DAB1: variants seen among roughly 807,000 people sequenced by gnomAD.
DAB1 encodes DAB adaptor protein 1, also known as disabled homolog 1.
Under a neutral mutation model 64.6 loss-of-function variants are expected in DAB1, and 15 were observed. That is an observed-to-expected ratio of 0.23 (90% CI 0.16 to 0.36). The LOEUF (loss-of-function observed/expected upper bound fraction) is 0.36, where lower values mean the gene tolerates loss of function less well. Among genes scored for constraint, DAB1 ranks in the 10% least tolerant of loss-of-function variants. The probability of loss-of-function intolerance (pLI) is 1.00; values close to 1 mark genes in which losing one functional copy is unlikely to be tolerated. For missense variants in DAB1, 596 were observed against 706.7 expected, an observed-to-expected ratio of 0.84 and a Z score of 1.78; for synonymous variants, 235 against 251.9, an observed-to-expected ratio of 0.93 and a Z score of 0.64.
intron 4 of DAB1, among the ~76,000 whole-genome samples, chr1:58,314,601 G>A (rs1020913591): frequency 6.6e-6 from 1 of 152,144 alleles, no homozygotes; most frequent in African/African-American, 2.4e-5. Context: ...CATAATAATT[G>A]TAGGAGGTAT....
chr1:57,673,283 A>C (rs563681622), intron 6 of DAB1, among the ~76,000 whole-genome samples: 1 of 152,178 alleles, frequency 6.6e-6, no homozygotes, highest in East Asian at 1.9e-4. Flanking sequence ...ACCTCCAACT[A>C]CCATCACATT....
intron 7 of DAB1, among the ~76,000 whole-genome samples, chr1:57,473,215 C>A (rs915140744): frequency 6.6e-6 from 1 of 152,192 alleles, no homozygotes; most frequent in African/African-American, 2.4e-5. Flanking sequence ...ACTCTTTGGG[C>A]CTTGTTCCTC....
intron 5 of DAB1, among the ~76,000 whole-genome samples, chr1:57,932,105 G>A (rs574218116): frequency 1.6e-4 from 24 of 151,990 alleles, no homozygotes; most frequent in African/African-American, 2.4e-4. Flanking sequence ...TTTTTGACTC[G>A]TGTTATTTAG....
intron 1 of DAB1, among the ~76,000 whole-genome samples, chr1:57,389,977 C>G (rs1019122885): frequency 2.0e-5 from 3 of 152,208 alleles, no homozygotes; most frequent in Non-Finnish European, 2.9e-5. Context: ...CAAAGCCATA[C>G]AGCTTTTAGT....
intron 4 of DAB1, among the ~76,000 whole-genome samples, chr1:58,162,838 T>TGAA (rs1216123527): frequency 6.6e-6 from 1 of 152,076 alleles, no homozygotes; most frequent in African/African-American, 2.4e-5. Context: ...GCTGCCAAAG[T>TGAA]GAAGAAGTAT....
Position 57,516,487 on chromosome 1 carries a change from T to C in DAB1, n.625+133105A>G, listed in dbSNP as rs540643333. The stretch of plus-strand genomic sequence containing the variant: ...CATTTCAAATTTTTCTAAAGCTTGA[T>C]CTCTCACTTGATAGTCATTTAATCA... On this transcript the variant is annotated intron_variant and non_coding_transcript_variant, in intron 7 of 20. Transcript: ENST00000485760. 3.9e-5 allele frequency among the ~76,000 whole-genome samples: 6 copies of C among 152,342 alleles called. No individual in the cohort carries two copies. In the South Asian group the frequency reaches 8.3e-4, roughly 21 times the overall value.
At chr1:58,111,518 T>G (rs990007805) in intron 5 of DAB1, among the ~76,000 whole-genome samples, 1 of 152,352 alleles carries the variant, frequency 6.6e-6, no homozygotes, top group South Asian at 2.1e-4. Context: ...ATAAAGGGAT[T>G]TGATATTTTT....
intron 7 of DAB1, among the ~76,000 whole-genome samples, chr1:57,498,867 T>C (rs892133267): frequency 6.6e-6 from 1 of 152,194 alleles, no homozygotes; most frequent in Non-Finnish European, 1.5e-5. Flanking sequence ...AAAAGACATG[T>C]TTCAAAGGCT....
intron 4 of DAB1, among the ~76,000 whole-genome samples, chr1:58,312,185 G>GA (rs1662445733): frequency 1.3e-5 from 2 of 152,170 alleles, no homozygotes; most frequent in South Asian, 2.1e-4. Context: ...TCTAAGAAAA[G>GA]AAGACATCCT....
intron 7 of DAB1, among the ~76,000 whole-genome samples, chr1:57,429,725 C>T (rs1358699002): frequency 1.3e-5 from 2 of 152,186 alleles, no homozygotes; most frequent in Non-Finnish European, 2.9e-5. Flanking sequence ...GTTTTCCCAA[C>T]ACCATTTATT....
intron 6 of DAB1, among the ~76,000 whole-genome samples, chr1:57,697,433 A>T: frequency 6.8e-6 from 1 of 147,690 alleles, no homozygotes; most frequent in African/African-American, 2.6e-5. Flanking sequence ...AAAAAAAAAA[A>T]AAAAAAAAAA....
Position 57,562,505 on chromosome 1 carries a change from G to T in DAB1, n.625+87087C>A, listed in dbSNP as rs74956672. On this transcript the variant is annotated intron_variant and non_coding_transcript_variant, in intron 7 of 20. Transcript: ENST00000485760. ...CAGAATGGCAGAATGGCCTTTTGAA[G>T]TCACAGTTACAATGCCAACTAGGTG... is the stretch of plus-strand genomic sequence containing the variant. Among the ~76,000 whole-genome samples, 61 of 152,336 alleles carry T rather than the reference G, an allele frequency of 4.0e-4. 1 individual carries two copies. The East Asian group carries it at 7.3e-3, about 18-fold the overall frequency.
chr1:57,273,553 GCCTTCCTTCCTTCCTTCCTTCCTTCCTT>G (rs1191588175), intron 2 of DAB1, among the ~76,000 whole-genome samples: 24 of 61,974 alleles, frequency 3.9e-4, no homozygotes, highest in South Asian at 1.4e-3. Flanking sequence ...CTGCCTGCCT[GCCTTCCTTCCTTCCTTCCTTCCTTCCTT>G]CCTTCCTTCC....
chr1:57,677,609 G>A (rs1398034393), intron 6 of DAB1, among the ~76,000 whole-genome samples: 4 of 152,108 alleles, frequency 2.6e-5, no homozygotes, highest in African/African-American at 7.2e-5. Flanking sequence ...ACAAAACCAT[G>A]CAAAAAATTA....
intron 5 of DAB1, among the ~76,000 whole-genome samples, chr1:58,073,363 C>G (rs1234550235): frequency 6.6e-6 from 1 of 152,138 alleles, no homozygotes; most frequent in Non-Finnish European, 1.5e-5. Flanking sequence ...CTCTACCCAC[C>G]CTCAATTTCC....
At chr1:57,850,239 T>A (rs1653457664) in intron 1 of DAB1, among the ~76,000 whole-genome samples, 1 of 152,206 alleles carries the variant, frequency 6.6e-6, no homozygotes, top group South Asian at 2.1e-4. Context: ...CTCAACAATT[T>A]ACAAATCATA....
In DAB1 at chr1:58,224,251, T is replaced by C. The variant is rs531471067; in HGVS notation, n.310-73663A>G. On this transcript the variant is annotated intron_variant and non_coding_transcript_variant, in intron 4 of 20. Transcript: ENST00000485760. ...CACCACACAGAAGTGCTAGGAGTGC[T>C]AAAGACAATTCATATTAAGTGTCTA... is the stretch of plus-strand genomic sequence containing the variant. 2.0e-5 allele frequency among the ~76,000 whole-genome samples: 3 copies of C among 152,316 alleles called. No individual in the cohort carries two copies. In the South Asian group the frequency reaches 6.2e-4, roughly 32 times the overall value.
At chr1:57,129,001 C>A (rs1441850776) in intron 4 of DAB1, among the ~76,000 whole-genome samples, 1 of 152,158 alleles carries the variant, frequency 6.6e-6, no homozygotes, top group African/African-American at 2.4e-5. Flanking sequence ...GTCTCAGTTT[C>A]TCATCTGTCT....
At chr1:57,021,540 T>C (rs1646621494) in intron 11 of DAB1, among the ~76,000 whole-genome samples, 1 of 152,224 alleles carries the variant, frequency 6.6e-6, no homozygotes, top group African/African-American at 2.4e-5. Flanking sequence ...CCCTCTTGTC[T>C]GCCACCATGT....
Sources: allele counts gnomAD v4.1 joint callset (sites outside exome capture counted in the v4.1 genomes callset), GRCh38; gene constraint gnomAD v4.1.1; transcripts MANE v1.5; gene names NCBI Gene and HGNC (gene_info 2026-07-23, HGNC 2026-07-21).